The following MYH10 variants were observed in gnomAD, a reference collection of about 807,000 sequenced individuals.
MYH10 encodes myosin heavy chain 10.
Under a neutral mutation model 257.8 loss-of-function variants are expected in MYH10, and 55 were observed. The observed-to-expected ratio is 0.21, with a 90% confidence interval of 0.17 to 0.27. The LOEUF is 0.27. Among genes scored for constraint, MYH10 ranks in the 10% least tolerant of loss-of-function variants. MYH10 has a pLI of 1.00. For missense variants in MYH10, 1,631 were observed against 2,500.6 expected, an observed-to-expected ratio of 0.65 and a Z score of 7.42; for synonymous variants, 854 against 921.7, an observed-to-expected ratio of 0.93 and a Z score of 1.33.
intron 17 of MYH10, among the ~76,000 whole-genome samples, chr17:8,528,698 T>C (rs1334076982): frequency 6.6e-6 from 1 of 152,236 alleles, no homozygotes; most frequent in Admixed American, 6.5e-5. Context: ...TTTGGATCCC[T>C]AGAAACTCCT....
rs150656489 is a variant in MYH10, at chr17:8,581,583, A to G, written c.531-4245T>C. On this transcript the variant is annotated intron_variant, in intron 4 of 42. Transcript: ENST00000360416. The stretch of plus-strand genomic sequence containing the variant: ...CGGGTCTAAGGTAACTCTGCTATAG[A>G]AAATATGGCTTCAAAGATAGATACA... Among the ~76,000 whole-genome samples, 269 of 152,314 alleles carry G rather than the reference A, an allele frequency of 1.8e-3. 1 individual carries two copies. The highest frequency in any genetic ancestry group is 3.4e-3 in the Middle Eastern group (1 of 294).
At position 8,509,087 on chromosome 17, in the gene MYH10, T is replaced by A. The variant is rs540159858; in HGVS notation, c.3091-410A>T. Among the ~76,000 whole-genome samples, 4 of 152,350 alleles carry A rather than the reference T, an allele frequency of 2.6e-5. No individual in the cohort carries two copies. In the East Asian group the frequency reaches 7.7e-4, roughly 29 times the overall value. ...CTTCCAGTCCTGCAAGCTCCGTTCA[T>A]GGTGAGTGCCCAATAGAGGTGTGCC... On this transcript the variant is annotated intron_variant, in intron 25 of 42. Transcript: ENST00000360416.
chr17:8,490,460 G>T lies in MYH10; in HGVS notation c.4764C>A (p.Ala1588=), dbSNP rs767943097. Residue 1588 remains alanine, a synonymous_variant, in exon 35 of 43, where the codon GCC becomes GCA. Transcript: ENST00000360416. The surrounding 1 kb of genome is among the most constrained non-coding windows in gnomAD (Gnocchi z 4.1). ...QLEELEDELQ[A]TEDAKLRLEV... is the part of the protein sequence containing the mutation. Reference sequence around the variant, plus strand: ...CCAGACGAAGCTTGGCATCTTCCGTGGCCTGGAGTTCGTCTTCCAGCTCCT... The same window carrying T: ...CCAGACGAAGCTTGGCATCTTCCGTTGCCTGGAGTTCGTCTTCCAGCTCCT... The T allele has an allele frequency of 6.2e-7, 1 of 1,614,066 alleles. No individual in the cohort carries two copies. The highest frequency in any genetic ancestry group is 8.5e-7 in the Non-Finnish European group (1 of 1,180,052).
chr17:8,521,553 A>T (rs1265277559), intron 17 of MYH10: 1 of 462,914 alleles, frequency 2.2e-6, no homozygotes, highest in Non-Finnish European at 3.9e-6. Flanking sequence ...TCAGGAATTC[A>T]CTGTCTTGGA....
intron 21 of MYH10, among the ~76,000 whole-genome samples, chr17:8,515,149 T>A (rs974476663): frequency 5.6e-4 from 86 of 152,330 alleles, no homozygotes; most frequent in Middle Eastern, 3.4e-3. Flanking sequence ...AACTGGGTAT[T>A]TCCTAGAAAT....
intron 7 of MYH10, among the ~76,000 whole-genome samples, chr17:8,557,124 G>C (rs1035245273): frequency 6.6e-6 from 1 of 152,016 alleles, no homozygotes; most frequent in Non-Finnish European, 1.5e-5. Flanking sequence ...AAAAAAATGA[G>C]TAGTCAGTTT....
At chr17:8,592,685 A>T (rs530504852) in intron 3 of MYH10, among the ~76,000 whole-genome samples, 83 of 151,292 alleles carry the variant, frequency 5.5e-4, no homozygotes, top group African/African-American at 1.9e-3. Context: ...TCATAGCTCT[A>T]TTAGAAAATT....
chr17:8,587,189 G>A lies in MYH10; in HGVS notation c.530+1892C>T, dbSNP rs117856240. Among the ~76,000 whole-genome samples, 197 of 152,254 alleles carry A rather than the reference G, an allele frequency of 1.3e-3. 1 individual carries two copies. The East Asian group carries it at 0.032, about 25-fold the overall frequency. ...AGCCATCCCACAGTTGTCCGTAGAC[G>A]CAGCAGTGAGCCTCCAATAAGAAAG... is the stretch of plus-strand genomic sequence containing the variant. On this transcript the variant is annotated intron_variant, in intron 4 of 42. Transcript: ENST00000360416.
chr17:8,550,035 C>CTACA (rs1280562765), intron 9 of MYH10, among the ~76,000 whole-genome samples: 3 of 150,776 alleles, frequency 2.0e-5, no homozygotes, highest in African/African-American at 7.3e-5. Flanking sequence ...TCTCGGCTCG[C>CTACA]TACAACCTCC....
chr17:8,546,671 T>TA lies in MYH10; in HGVS notation c.1160-10dup. On this transcript the variant is annotated splice_polypyrimidine_tract_variant and intron_variant, in intron 11 of 42. Coordinates refer to ENST00000360416, the MANE Select transcript of MYH10 (RefSeq NM_001256012.3). The stretch of plus-strand genomic sequence containing the variant: ...GCAGAGCTTCTGCGCAACTGAAGTG[T>TA]AAAAAGTCTCCTAAATCCTACATTT... The TA allele has an allele frequency of 3.1e-6, 5 of 1,606,216 alleles. No homozygotes were observed. The highest frequency in any genetic ancestry group is 4.3e-6 in the Non-Finnish European group (5 of 1,173,472).
intron 3 of MYH10, among the ~76,000 whole-genome samples, chr17:8,604,153 G>T (rs1597952413): frequency 6.6e-6 from 1 of 152,254 alleles, no homozygotes; most frequent in South Asian, 2.1e-4. Flanking sequence ...CATTAAAAAG[G>T]AGAGAGAGGG....
At chr17:8,531,540 T>C (rs2082002302) in intron 16 of MYH10, among the ~76,000 whole-genome samples, 1 of 146,778 alleles carries the variant, frequency 6.8e-6, no homozygotes, top group African/African-American at 2.5e-5. Context: ...ACACAAACTC[T>C]ACTTTTTTTC....
At chr17:8,585,166 CATAT>C (rs763033321) in intron 4 of MYH10, among the ~76,000 whole-genome samples, 1 of 149,898 alleles carries the variant, frequency 6.7e-6, no homozygotes, top group East Asian at 2.0e-4. Context: ...GGTCGTACTA[CATAT>C]ATATATGTGT....
intron 34 of MYH10, among the ~76,000 whole-genome samples, chr17:8,491,564 C>T (rs1414910694): frequency 6.6e-6 from 1 of 152,134 alleles, no homozygotes; most frequent in African/African-American, 2.4e-5. Flanking sequence ...AAAGCAGATG[C>T]AGTAACTTCA....
At chr17:8,484,983 TA>T (rs775907176) in intron 36 of MYH10, among the ~76,000 whole-genome samples, 10 of 152,036 alleles carry the variant, frequency 6.6e-5, no homozygotes, top group Non-Finnish European at 1.2e-4. Context: ...GATAAAGAAA[TA>T]AAAGATATCC....
chr17:8,581,533 G>A (rs1024087803), intron 4 of MYH10, among the ~76,000 whole-genome samples: 6 of 152,088 alleles, frequency 3.9e-5, no homozygotes, highest in Admixed American at 3.9e-4. Flanking sequence ...AATTGCTTAT[G>A]AGCTGTGCTA....
At chr17:8,598,510 T>C (rs1359449569) in intron 3 of MYH10, among the ~76,000 whole-genome samples, 1 of 152,166 alleles carries the variant, frequency 6.6e-6, no homozygotes, top group Non-Finnish European at 1.5e-5. Flanking sequence ...CCTTTTTTAT[T>C]ATGAAATGAC....
intron 21 of MYH10, among the ~76,000 whole-genome samples, 161 bp from the exon 22 acceptor site, chr17:8,514,055 C>T (rs2081383361): frequency 6.6e-6 from 1 of 152,202 alleles, no homozygotes; most frequent in Non-Finnish European, 1.5e-5. Context: ...GCCGTTCTGG[C>T]CGCTCGAAGC....
intron 17 of MYH10, among the ~76,000 whole-genome samples, chr17:8,524,858 A>G (rs1298459093): frequency 6.6e-6 from 1 of 152,206 alleles, no homozygotes; most frequent in Non-Finnish European, 1.5e-5. Context: ...TCAGTAGTAC[A>G]GCATAGCAAT....
Sources: allele counts gnomAD v4.1 joint callset (sites outside exome capture counted in the v4.1 genomes callset), GRCh38; gene constraint gnomAD v4.1.1; non-coding constraint Gnocchi (gnomAD v3.1); transcripts MANE v1.5; gene names NCBI Gene and HGNC (gene_info 2026-07-23, HGNC 2026-07-21).